NOS2: variants seen among roughly 807,000 people sequenced by gnomAD.
NOS2 encodes the protein nitric oxide synthase, inducible.
In NOS2, 96 loss-of-function variants were observed where a neutral mutation model predicts 136.0. The observed-to-expected ratio is 0.71, with a 90% confidence interval of 0.60 to 0.84. The LOEUF (loss-of-function observed/expected upper bound fraction) is 0.84, where lower values mean the gene tolerates loss of function less well. NOS2 is among the 40% of genes least tolerant of loss of function. The pLI, the probability that NOS2 is intolerant of heterozygous loss-of-function variation, is 0.00. For synonymous variants in NOS2, 539 were observed against 587.5 expected (o/e 0.92, Z 1.20); for missense variants, 1,237 against 1,496.9 (o/e 0.83, Z 2.87).
In NOS2 at chr17:27,798,680, T is replaced by A; in HGVS notation, c.110+20A>T. 6.7e-7 allele frequency: 1 copy of A among 1,501,472 alleles called. No individual in the cohort carries two copies. The highest frequency in any genetic ancestry group is 9.3e-7 in the Non-Finnish European group (1 of 1,077,384). 93.0% of individuals were successfully genotyped at this position (1,501,472 alleles called of 1,614,324 possible). ...GGTGCCCAAGGAGACAAGCAGGAGG[T>A]TCCCCCAGGGAAAACTCACCTGGAG... On this transcript the variant is annotated intron_variant, in intron 2 of 26. Coordinates refer to ENST00000313735, the MANE Select transcript of NOS2 (RefSeq NM_000625.4).
intron 2 of NOS2, among the ~76,000 whole-genome samples, chr17:27,796,767 C>T (rs181486038): frequency 3.3e-5 from 5 of 152,194 alleles, no homozygotes; most frequent in East Asian, 3.9e-4. Context: ...CAGCTGGCAG[C>T]GGCTGCAATG....
At chr17:27,793,888 A>C in intron 2 of NOS2, 1 of 368,222 alleles carries the variant, frequency 2.7e-6, no homozygotes, top group Non-Finnish European at 4.8e-6. Flanking sequence ...GGACCCAAGC[A>C]CCCAGGGGCC....
intron 11 of NOS2, among the ~76,000 whole-genome samples, chr17:27,777,712 G>GC (rs1256607047): frequency 6.6e-6 from 1 of 152,176 alleles, no homozygotes; most frequent in Non-Finnish European, 1.5e-5. Flanking sequence ...CAAGGTCCCT[G>GC]CCCCATGGAG....
At chr17:27,780,452 G>A (rs28999374) in intron 9 of NOS2, among the ~76,000 whole-genome samples, 14,181 of 152,212 alleles carry the variant, frequency 0.093, 890 homozygotes, top group South Asian at 0.22. Flanking sequence ...AAGAGGCCTG[G>A]GCTGCTCCTT....
intron 1 of NOS2, 132 bp downstream of exon 1, chr17:27,800,207 T>A (rs991501639): frequency 6.6e-6 from 1 of 152,222 alleles, no homozygotes; most frequent in African/African-American, 2.4e-5. Context: ...CATGTCGGCA[T>A]TTTTTTACCT....
In NOS2 at chr17:27,789,524, C is replaced by T. The variant is rs1909126222; in HGVS notation, c.195+80G>A. 15 of 1,131,620 alleles carry T rather than the reference C, an allele frequency of 1.3e-5. 2 individuals carry two copies. In the South Asian group the frequency reaches 1.9e-4, roughly 15 times the overall value. The allele number at this position is 1,131,620 out of a possible 1,614,324, so 70.1% of individuals were successfully genotyped here. On this transcript the variant is annotated intron_variant, in intron 3 of 26. Coordinates refer to ENST00000313735, the MANE Select transcript of NOS2 (RefSeq NM_000625.4). ...ACCCTGGCTTCCTGCCCTCTCCAGC[C>T]CAGCTCTAACAGGCTGCTATGTCTG...
rs754548662 is a variant in NOS2 at position 27,780,813 on chromosome 17, C to T, written c.958G>A (p.Glu320Lys). The change falls in exon 9 of 27, where the codon GAA (glutamate) becomes AAA (lysine). Residue 320 changes from glutamate (E) to lysine (K), a missense_variant. Physicochemically the swap from Glu to Lys is moderately conservative, Grantham distance 56. Transcript: ENST00000313735. ...TCAAGCACAAGGTCAGGTGGGATTT[C>T]GAAGAGCTCAGGGTCACGGCCATTG... ...QANGRDPELFEIPPDLVLEVA... is the reference protein window; with the variant it reads ...QANGRDPELFKIPPDLVLEVA... The T allele has an allele frequency of 7.4e-6, 12 of 1,614,168 alleles. No homozygotes were observed. Among genetic ancestry groups the T allele is most frequent in the South Asian group, 1.1e-5 (1 of 91,084 alleles).
intron 11 of NOS2, among the ~76,000 whole-genome samples, chr17:27,777,116 C>G (rs1201113527): frequency 6.6e-6 from 1 of 152,210 alleles, no homozygotes; most frequent in Non-Finnish European, 1.5e-5. Context: ...GTTCCATCTT[C>G]CCCTCCCCCG....
chr17:27,798,580 T>C, intron 2 of NOS2, 120 bp downstream of exon 2: 1 of 686,128 alleles, frequency 1.5e-6, no homozygotes, highest in Non-Finnish European at 2.6e-6. Flanking sequence ...CAAGAAGCAA[T>C]GAGGAGATCA....
Position 27,774,823 on chromosome 17 carries a change from C to T in NOS2, c.1282-372G>A, listed in dbSNP as rs575939612. On this transcript the variant is annotated intron_variant, in intron 11 of 26. Transcript: ENST00000313735. The stretch of plus-strand genomic sequence containing the variant: ...CACCTTTTGGCAGGTAAAGGAAATA[C>T]CATCCCAGCCATTTATGGTGGAGAG... Among the ~76,000 whole-genome samples the T allele has an allele frequency of 3.3e-5, 5 of 152,334 alleles. No individual in the cohort carries two copies. In the East Asian group the frequency reaches 9.7e-4, roughly 29 times the overall value.
chr17:27,788,060 C>T (rs1032321631), intron 4 of NOS2, among the ~76,000 whole-genome samples: 3 of 152,158 alleles, frequency 2.0e-5, no homozygotes, highest in East Asian at 3.9e-4. Flanking sequence ...CTCCCTACTC[C>T]GGACTCAGTC....
chr17:27,791,612 G>A (rs991864618), intron 2 of NOS2, among the ~76,000 whole-genome samples: 56 of 151,888 alleles, frequency 3.7e-4, no homozygotes, highest in African/African-American at 1.2e-3. Context: ...ATTTGGATTT[G>A]GGCCCAATCT....
At position 27,762,945 on chromosome 17, in the gene NOS2, C is replaced by G. The variant is rs762928370; in HGVS notation, c.2653G>C (p.Glu885Gln). 3.7e-6 allele frequency: 6 copies of G among 1,606,498 alleles called. 1 individual carries two copies. The South Asian group carries it at 6.7e-5, about 18-fold the overall frequency. Residue 885 changes from glutamate (E) to glutamine (Q), a missense_variant, in exon 22 of 27, where the codon GAG becomes CAG. Physicochemically the swap from Glu to Gln is conservative, Grantham distance 29. Coordinates refer to ENST00000313735, the MANE Select transcript of NOS2 (RefSeq NM_000625.4). ...NSPTFLEVLE[E>Q]FPSLRVSAGF... ...GCAGACACCCGCAGGGACGGGAACT[C>G]CTCTAGCACCTCCAGGAATGTGGGG...
In NOS2 at chr17:27,799,612, G is replaced by C. The variant is rs149148559; in HGVS notation, c.-74+727C>G. ...TAATCCCAGCATTTCGGGAGACCGA[G>C]GCAGGAGGATCGCTTGAGTCCAAGA... On this transcript the variant is annotated intron_variant, in intron 1 of 26. Transcript: ENST00000313735. Among the ~76,000 whole-genome samples the C allele has an allele frequency of 2.0e-5, 3 of 152,314 alleles. No individual in the cohort carries two copies. In the East Asian group the frequency reaches 5.8e-4, roughly 29 times the overall value.
In NOS2 at chr17:27,765,681, T is replaced by C; in HGVS notation, c.2282A>G (p.Asp761Gly). Residue 761 changes from aspartate to glycine, a missense_variant, in exon 20 of 27, where the codon GAT becomes GGT. Coordinates refer to ENST00000313735, the MANE Select transcript of NOS2 (RefSeq NM_000625.4). ...CGGCAGGTAGTTCAGGCCTTGGCCA[T>C]CCTCACAGGAGAGTTCCACCAGGAT... ...ATILVELSCE[D>G]GQGLNYLPGE... The C allele has an allele frequency of 6.2e-7, 1 of 1,612,876 alleles. No individual in the cohort carries two copies. The highest frequency in any genetic ancestry group is 8.5e-7 in the Non-Finnish European group (1 of 1,179,686).
At chr17:27,782,885 C>A in intron 6 of NOS2, 59 bp downstream of exon 6, 3 of 1,556,556 alleles carry the variant, frequency 1.9e-6, no homozygotes. Flanking sequence ...TGTTCCAAGC[C>A]ATCTGCTCAG....
intron 25 of NOS2, among the ~76,000 whole-genome samples, chr17:27,759,301 G>A (rs889718454): frequency 1.4e-4 from 22 of 152,182 alleles, no homozygotes; most frequent in Non-Finnish European, 5.9e-5. Context: ...TCCTGCCCTC[G>A]AGGGGCTGAC....
intron 10 of NOS2, 44 bp from the exon 11 acceptor site, chr17:27,778,835 C>T (rs1908746137): frequency 1.2e-6 from 2 of 1,612,158 alleles, no homozygotes; most frequent in Non-Finnish European, 1.7e-6. Flanking sequence ...CCTGAAGCCA[C>T]CCCCAGGCCC....
chr17:27,788,200 A>ACACACC (rs1909080478), intron 4 of NOS2, among the ~76,000 whole-genome samples: 1 of 151,680 alleles, frequency 6.6e-6, no homozygotes, highest in South Asian at 2.1e-4. Flanking sequence ...ACGCGTGCAC[A>ACACACC]CACACACACA....
Sources: gnomAD v4.1 joint callset for allele counts (sites outside exome capture counted in the v4.1 genomes callset) on GRCh38, gnomAD v4.1.1 for gene constraint, MANE v1.5 for transcripts, NCBI Gene and HGNC (gene_info 2026-07-23, HGNC 2026-07-21) for gene names.